EMB: variants seen among roughly 807,000 people sequenced by gnomAD.
The protein encoded by EMB is embigin homolog.
Under a neutral mutation model 41.4 loss-of-function variants are expected in EMB, and 31 were observed. That is an observed-to-expected ratio of 0.75 (90% CI 0.56 to 1.01). EMB has a LOEUF of 1.01. Ranked by LOEUF, EMB falls within the 50% of genes least tolerant of loss-of-function variation. The pLI is 0.00. For missense variants in EMB, 379 were observed against 388.3 expected (o/e 0.98, Z 0.20); for synonymous variants, 137 against 140.4 (o/e 0.98, Z 0.17).
At chr5:50,423,904 C>T (rs188098078) in intron 2 of EMB, among the ~76,000 whole-genome samples, 2 of 152,240 alleles carry the variant, frequency 1.3e-5, no homozygotes, top group Admixed American at 1.3e-4. Flanking sequence ...AAATGCCTAA[C>T]AAAACTTTAA....
At chr5:50,425,611 C>T (rs1172635937) in intron 2 of EMB, among the ~76,000 whole-genome samples, 1 of 152,080 alleles carries the variant, frequency 6.6e-6, no homozygotes, top group African/African-American at 2.4e-5. Context: ...ACCAAAAGAT[C>T]TGTTTTAAAA....
At chr5:50,402,691 A>G (rs1224916606) in intron 6 of EMB, among the ~76,000 whole-genome samples, 2 of 151,962 alleles carry the variant, frequency 1.3e-5, no homozygotes, top group African/African-American at 2.4e-5. Context: ...AAAATAGGAC[A>G]TGACAGGATG....
intron 4 of EMB, among the ~76,000 whole-genome samples, chr5:50,409,720 G>A (rs563119126): frequency 1.3e-5 from 2 of 151,980 alleles, no homozygotes; most frequent in Admixed American, 6.6e-5. Flanking sequence ...AGGGAAAAAT[G>A]AAATGCATAA....
At chr5:50,401,725 CT>C (rs1160533108) in intron 7 of EMB, among the ~76,000 whole-genome samples, 1 of 151,986 alleles carries the variant, frequency 6.6e-6, no homozygotes, top group Admixed American at 6.6e-5. Flanking sequence ...ATAATAATAA[CT>C]AATAGAATTC....
rs1315166236 is a variant in EMB at position 50,398,900 on chromosome 5, A to G, written c.*373T>C. The G allele has an allele frequency of 6.2e-6, 1 of 160,630 alleles. No homozygotes were observed. The highest frequency in any genetic ancestry group is 1.4e-5 in the Non-Finnish European group (1 of 73,396). The allele number at this position is 160,630 out of a possible 1,614,324, so 10.0% of individuals were successfully genotyped here. The stretch of plus-strand genomic sequence containing the variant: ...TTTTTAAAAAATAACTTTCTAAGAC[A>G]AATGGCAAAGGCTTTCTTTTTCATG... On this transcript the variant is annotated 3_prime_UTR_variant, in exon 9 of 9. Transcript: ENST00000303221.
chr5:50,415,550 G>C (rs959594736), intron 2 of EMB, among the ~76,000 whole-genome samples: 31 of 152,278 alleles, frequency 2.0e-4, no homozygotes, highest in South Asian at 2.1e-4. Flanking sequence ...CATATATGGT[G>C]CTAAGGGTTA....
At chr5:50,424,992 T>G (rs1379440359) in intron 2 of EMB, among the ~76,000 whole-genome samples, 1 of 152,210 alleles carries the variant, frequency 6.6e-6, no homozygotes, top group African/African-American at 2.4e-5. Flanking sequence ...AGGCCTCAGT[T>G]TTTTTCTCTG....
At chr5:50,405,418 A>G (rs528159055) in intron 5 of EMB, among the ~76,000 whole-genome samples, 1 of 152,068 alleles carries the variant, frequency 6.6e-6, no homozygotes, top group South Asian at 2.1e-4. Flanking sequence ...GGTTATTTCT[A>G]AACTAGGCAA....
intron 8 of EMB, 87 bp downstream of exon 8, chr5:50,399,772 G>C (rs575434535): frequency 1.9e-6 from 2 of 1,048,084 alleles, no homozygotes; most frequent in East Asian, 4.9e-5. Flanking sequence ...ATCTTTTATG[G>C]AACTAAAAAA....
At chr5:50,434,038 A>G (rs1268019939) in intron 1 of EMB, among the ~76,000 whole-genome samples, 1 of 152,202 alleles carries the variant, frequency 6.6e-6, no homozygotes, top group Non-Finnish European at 1.5e-5. Context: ...CATTAGGTTT[A>G]GGGCTTACTC....
At chr5:50,417,153 T>G (rs1167564918) in intron 2 of EMB, among the ~76,000 whole-genome samples, 1 of 152,162 alleles carries the variant, frequency 6.6e-6, no homozygotes, top group African/African-American at 2.4e-5. Context: ...TGCCCTGTAA[T>G]AATTTCACCA....
chr5:50,413,161 G>T (rs1304199351), intron 2 of EMB, among the ~76,000 whole-genome samples: 1 of 152,164 alleles, frequency 6.6e-6, no homozygotes, highest in African/African-American at 2.4e-5. Flanking sequence ...CATGTACCTT[G>T]TTTGTCCTAC....
In EMB at chr5:50,396,657, ATT is replaced by A. The variant is rs1745070919; in HGVS notation, c.*2614_*2615del. ...AGATTAGCAATTTGGAGAATGCAAT[ATT>A]AAGAAATGGCAAAGGTGAGCCTACA... On this transcript the variant is annotated 3_prime_UTR_variant, in exon 9 of 9. Coordinates refer to ENST00000303221, the MANE Select transcript of EMB (RefSeq NM_198449.3). 2 of 152,148 alleles carry A rather than the reference ATT, an allele frequency of 1.3e-5. No homozygotes were observed. Among genetic ancestry groups the A allele is most frequent in the Admixed American group, 1.3e-4 (2 of 15,266 alleles). The allele number at this position is 152,148 out of a possible 1,614,324, so 9.4% of individuals were successfully genotyped here.
intron 1 of EMB, among the ~76,000 whole-genome samples, chr5:50,430,803 G>A (rs1373693285): frequency 6.6e-6 from 1 of 152,122 alleles, no homozygotes; most frequent in Non-Finnish European, 1.5e-5. Flanking sequence ...GATAATTCCA[G>A]GAAGATGAGC....
At position 50,411,374 on chromosome 5, in the gene EMB, C is replaced by G. The variant is rs576572218; in HGVS notation, c.206G>C (p.Ser69Thr). Residue 69 changes from serine (S) to threonine (T), a missense_variant, in exon 3 of 9, where the codon AGT becomes ACT. Transcript: ENST00000303221. Reference sequence around the variant, plus strand: ...AGTGATATTTTTTTCTACTGGCATACTAGAATGTTCTATTAGCACAAAAGA... The same window carrying G: ...AGTGATATTTTTTTCTACTGGCATAGTAGAATGTTCTATTAGCACAAAAGA... ...SHNISLTEHS[S>T]MPVEKNITLE... 1 of 1,593,886 alleles carries G rather than the reference C, an allele frequency of 6.3e-7. No individual in the cohort carries two copies. The highest frequency in any genetic ancestry group is 1.3e-5 in the African/African-American group (1 of 74,380).
At position 50,410,306 on chromosome 5, in the gene EMB, G is replaced by A. The variant is rs531782752; in HGVS notation, c.472+571C>T. 2.0e-4 allele frequency among the ~76,000 whole-genome samples: 30 copies of A among 152,116 alleles called. No homozygotes were observed. The South Asian group carries it at 6.2e-3, about 32-fold the overall frequency. ...GAGATTGAGACCTTCTTGAGTTTTG[G>A]TTTAATGATGGTAACAGTAAAATAT... is the stretch of plus-strand genomic sequence containing the variant. On this transcript the variant is annotated intron_variant, in intron 4 of 8. Transcript: ENST00000303221.
chr5:50,406,966 T>C (rs1745258707), intron 4 of EMB, among the ~76,000 whole-genome samples: 2 of 151,886 alleles, frequency 1.3e-5, no homozygotes, highest in Non-Finnish European at 2.9e-5. Flanking sequence ...CTGAGTTCCA[T>C]CTGAAGAGGC....
intron 4 of EMB, among the ~76,000 whole-genome samples, chr5:50,410,449 A>G (rs149988400): frequency 0.01 from 1,563 of 152,190 alleles, 26 homozygotes; most frequent in African/African-American, 0.036. Context: ...GCATCTCCAT[A>G]TTATTTTTAA....
intron 2 of EMB, among the ~76,000 whole-genome samples, chr5:50,412,477 C>A (rs1173938747): frequency 6.6e-6 from 1 of 152,098 alleles, no homozygotes; most frequent in Non-Finnish European, 1.5e-5. Context: ...AATCTTCACA[C>A]CACACCTAAA....
Sources: allele counts gnomAD v4.1 joint callset (sites outside exome capture counted in the v4.1 genomes callset), GRCh38; gene constraint gnomAD v4.1.1; transcripts MANE v1.5; gene names NCBI Gene and HGNC (gene_info 2026-07-23, HGNC 2026-07-21).